The following BMP2K variants were observed in gnomAD, a reference collection of about 807,000 sequenced individuals.
The protein encoded by BMP2K is BMP2 inducible kinase, also known as BMP-2-inducible protein kinase.
Under a neutral mutation model 116.0 loss-of-function variants are expected in BMP2K, and 74 were observed. The ratio of observed to expected loss-of-function variants is 0.64; its 90% confidence interval spans 0.53 to 0.77. The LOEUF (loss-of-function observed/expected upper bound fraction) is 0.77, where lower values mean the gene tolerates loss of function less well. Among genes scored for constraint, BMP2K ranks in the 30% least tolerant of loss-of-function variants. BMP2K has a pLI of 0.00. For missense variants in BMP2K, 1,365 were observed against 1,403.6 expected (o/e 0.97, Z 0.44); for synonymous variants, 486 against 502.5 (o/e 0.97, Z 0.44).
intron 1 of BMP2K, among the ~76,000 whole-genome samples, chr4:78,806,833 A>T (rs1578482992): frequency 6.9e-6 from 1 of 145,492 alleles, no homozygotes. Context: ...GGTGGATCTT[A>T]TCTTTTCTTT....
At chr4:78,879,126 A>G (rs1006947490) in intron 14 of BMP2K, 5 of 1,230,968 alleles carry the variant, frequency 4.1e-6, no homozygotes, top group Non-Finnish European at 4.1e-6. Context: ...CTAATATCCT[A>G]AAACTTAAAT....
At chr4:78,890,117 A>T (rs1733350021) in intron 15 of BMP2K, among the ~76,000 whole-genome samples, 1 of 152,078 alleles carries the variant, frequency 6.6e-6, no homozygotes, top group Admixed American at 6.5e-5. Context: ...GTAAATTGAA[A>T]CTTTATTAAA....
At chr4:78,805,889 T>G (rs1195964587) in intron 1 of BMP2K, among the ~76,000 whole-genome samples, 1 of 152,132 alleles carries the variant, frequency 6.6e-6, no homozygotes, top group Non-Finnish European at 1.5e-5. Context: ...GAGAATCACT[T>G]GAATCCGGGA....
chr4:78,895,253 C>T lies in BMP2K; in HGVS notation c.2062+7969C>T, dbSNP rs1733640987. ...TTTTAGAAAGTCAATCTTGGAAATA[C>T]AGTGAAGTCTGGCACAATACAAAAA... is the stretch of plus-strand genomic sequence containing the variant. On this transcript the variant is annotated intron_variant, in intron 15 of 15. Coordinates refer to ENST00000502613, the MANE Select transcript of BMP2K (RefSeq NM_198892.2). 2.0e-5 allele frequency among the ~76,000 whole-genome samples: 3 copies of T among 152,234 alleles called. No individual in the cohort carries two copies. The South Asian group carries it at 6.2e-4, about 32-fold the overall frequency.
chr4:78,865,762 T>C, intron 10 of BMP2K, 42 bp downstream of exon 10: 4 of 1,566,358 alleles, frequency 2.6e-6, no homozygotes, highest in Non-Finnish European at 3.5e-6. Flanking sequence ...AAGGTTAATG[T>C]TAATAAACCT....
intron 1 of BMP2K, among the ~76,000 whole-genome samples, chr4:78,784,999 C>G (rs1307132907): frequency 6.6e-6 from 1 of 152,072 alleles, no homozygotes; most frequent in Non-Finnish European, 1.5e-5. Context: ...AGGATTGAGA[C>G]CATAATGAAA....
intron 12 of BMP2K, chr4:78,872,303 CTTTTTTTT>C (rs34599936): frequency 1.5e-4 from 14 of 92,330 alleles, no homozygotes; most frequent in African/African-American, 5.5e-4. Context: ...ATAATTTGAC[CTTTTTTTT>C]TTTTTTTTTT....
At position 78,914,017 on chromosome 4, in the gene BMP2K, TTGA is replaced by T. The variant is rs762471415; in HGVS notation, c.*1989_*1991del. 2.6e-4 allele frequency: 39 copies of T among 152,126 alleles called. 1 individual carries two copies. The highest frequency in any genetic ancestry group is 1.9e-3 in the Admixed American group (29 of 15,270). 9.4% of individuals were successfully genotyped at this position (152,126 alleles called of 1,614,324 possible). ...GATACTTTCTTTTAAAAGTGAAGAG[TTGA>T]TGATTACACATAGTAAATTCATGAA... On this transcript the variant is annotated 3_prime_UTR_variant, in exon 16 of 16. Coordinates refer to ENST00000502613, the MANE Select transcript of BMP2K (RefSeq NM_198892.2).
chr4:78,814,196 CT>C (rs1261721909), intron 1 of BMP2K, among the ~76,000 whole-genome samples: 1 of 152,156 alleles, frequency 6.6e-6, no homozygotes, highest in Non-Finnish European at 1.5e-5. Context: ...AGAATTACTC[CT>C]TTTTGAGTTA....
At chr4:78,806,512 G>A (rs968187984) in intron 1 of BMP2K, among the ~76,000 whole-genome samples, 7 of 152,170 alleles carry the variant, frequency 4.6e-5, no homozygotes, top group African/African-American at 1.7e-4. Context: ...AATAGAGACA[G>A]ATTTACTTCT....
At chr4:78,777,210 A>G (rs1727291942) in intron 1 of BMP2K, among the ~76,000 whole-genome samples, 1 of 152,016 alleles carries the variant, frequency 6.6e-6, no homozygotes, top group Non-Finnish European at 1.5e-5. Context: ...AAAACAATGT[A>G]TTTGTGTGCA....
At chr4:78,860,636 C>T (rs567148110) in intron 8 of BMP2K, among the ~76,000 whole-genome samples, 2 of 151,930 alleles carry the variant, frequency 1.3e-5, no homozygotes, top group South Asian at 2.1e-4. Context: ...AATAAAGGTT[C>T]TGCAATCATC....
chr4:78,893,821 T>C (rs1733566142), intron 15 of BMP2K, among the ~76,000 whole-genome samples: 1 of 152,118 alleles, frequency 6.6e-6, no homozygotes, highest in African/African-American at 2.4e-5. Context: ...CACCTCAACC[T>C]CCAGAGTAGC....
chr4:78,854,189 A>G (rs1258196598), intron 7 of BMP2K, among the ~76,000 whole-genome samples: 1 of 130,510 alleles, frequency 7.7e-6, no homozygotes, highest in East Asian at 2.2e-4. Context: ...TTTAAACTTT[A>G]GGGTCTTCTC....
At chr4:78,790,893 T>G (rs1049551590) in intron 1 of BMP2K, among the ~76,000 whole-genome samples, 1 of 152,060 alleles carries the variant, frequency 6.6e-6, no homozygotes, top group African/African-American at 2.4e-5. Flanking sequence ...AAATAATAAA[T>G]TTTTAAAAAT....
intron 9 of BMP2K, among the ~76,000 whole-genome samples, chr4:78,863,488 A>G (rs1731895224): frequency 6.6e-6 from 1 of 152,144 alleles, no homozygotes; most frequent in African/African-American, 2.4e-5. Flanking sequence ...TGTGAAATTT[A>G]TCTGACACAT....
At chr4:78,871,207 C>T (rs1484101439) in intron 11 of BMP2K, 147 bp downstream of exon 11, 10 of 1,410,058 alleles carry the variant, frequency 7.1e-6, no homozygotes, top group East Asian at 6.9e-5. Flanking sequence ...TGAAAGAATA[C>T]GTATTTAATT....
chr4:78,796,091 C>T (rs1044504826), intron 1 of BMP2K, among the ~76,000 whole-genome samples: 15 of 152,010 alleles, frequency 9.9e-5, no homozygotes, highest in African/African-American at 2.9e-4. Flanking sequence ...CACATGCACA[C>T]GTATGTTTAT....
intron 1 of BMP2K, among the ~76,000 whole-genome samples, chr4:78,777,934 G>C (rs1358199762): frequency 6.6e-6 from 1 of 152,208 alleles, no homozygotes; most frequent in Admixed American, 6.5e-5. Context: ...GCCGAAACTT[G>C]GAGAGGTGGG....
Sources: gnomAD v4.1 joint callset for allele counts (sites outside exome capture counted in the v4.1 genomes callset) on GRCh38, gnomAD v4.1.1 for gene constraint, MANE v1.5 for transcripts, NCBI Gene and HGNC (gene_info 2026-07-23, HGNC 2026-07-21) for gene names.